GCNT3: variants seen among roughly 807,000 people sequenced by gnomAD.
GCNT3 encodes the protein glucosaminyl (N-acetyl) transferase 3, mucin type, also known as beta-1,3-galactosyl-O-glycosyl-glycoprotein beta-1,6-N-acetylglucosaminyltransferase 3.
For synonymous variants in GCNT3, 269 were observed against 195.2 expected, an observed-to-expected ratio of 1.38 and a Z score of -3.15; for missense variants, 708 against 530.3, an observed-to-expected ratio of 1.34 and a Z score of -3.29.
chr15:59,615,018 T>A (rs1409591098), intron 1 of GCNT3: 1 of 152,228 alleles, frequency 6.6e-6, no homozygotes, highest in Non-Finnish European at 1.5e-5. Flanking sequence ...CAACTCTGAC[T>A]CATCTCCATT....
At position 59,619,580 on chromosome 15, in the gene GCNT3, C is replaced by T. The variant is rs2082737818; in HGVS notation, c.*25C>T. ...AGACACACTATGAGAGCGTTGCTAC[C>T]TGTGGGGCAAGAGCATGTACAAACA... On this transcript the variant is annotated 3_prime_UTR_variant, in exon 3 of 3. Coordinates refer to ENST00000396065, the MANE Select transcript of GCNT3 (RefSeq NM_004751.3). 2 of 1,416,268 alleles carry T rather than the reference C, an allele frequency of 1.4e-6. No individual in the cohort carries two copies. Among genetic ancestry groups the T allele is most frequent in the Admixed American group, 3.6e-5 (2 of 56,260 alleles). 87.7% of individuals were successfully genotyped at this position (1,416,268 alleles called of 1,614,324 possible).
rs74019643 is a variant in GCNT3, at chr15:59,620,049, T to C, written c.*494T>C. On this transcript the variant is annotated 3_prime_UTR_variant, in exon 3 of 3. Transcript: ENST00000396065. The stretch of plus-strand genomic sequence containing the variant: ...TTTGCCTAGTATGCCAGAAATAATA[T>C]AAATATAAACAGATAAAGTGTGTGA... The C allele has an allele frequency of 0.023, 3,940 of 169,744 alleles. 161 individuals are homozygous for C. Among genetic ancestry groups the C allele is most frequent in the African/African-American group, 0.089 (3,679 of 41,538 alleles). The allele number at this position is 169,744 out of a possible 1,614,324, so 10.5% of individuals were successfully genotyped here. A position where few individuals can be genotyped will look rare whatever the true frequency, so the allele number is the denominator to read the frequency against.
chr15:59,616,972 G>C (rs2082722280), intron 2 of GCNT3, 91 bp downstream of exon 2: 1 of 152,094 alleles, frequency 6.6e-6, no homozygotes. Context: ...TTTAGGAAGA[G>C]CTACAACAAG....
intron 1 of GCNT3, among the ~76,000 whole-genome samples, chr15:59,614,151 G>A (rs561577842): frequency 6.6e-5 from 10 of 152,202 alleles, no homozygotes; most frequent in South Asian, 2.1e-4. Context: ...TACTAATAAA[G>A]TGGAGGAGTT....
At position 59,618,981 on chromosome 15, in the gene GCNT3, GGAGGAATA is replaced by G. The variant is rs1378214056; in HGVS notation, c.745_752del (p.Arg249HisfsTer8). 16 of 1,614,100 alleles carry G rather than the reference GGAGGAATA, an allele frequency of 9.9e-6. No individual in the cohort carries two copies. Among genetic ancestry groups the G allele is most frequent in the Non-Finnish European group, 1.4e-5 (16 of 1,180,010 alleles). ...GTCCAGGCTCTCAAGATGTTGAATG[GGAGGAATA>G]GCATGGAGTCAGAGGTACCTCCTAA... On this transcript the variant is annotated frameshift_variant, in exon 3 of 3. Transcript: ENST00000396065. LOFTEE classifies it low-confidence loss of function (END_TRUNC).
rs754923816 is a variant in GCNT3 at position 59,618,207 on chromosome 15, C to T, written c.-32C>T. On this transcript the variant is annotated 5_prime_UTR_variant, in exon 3 of 3. Coordinates refer to ENST00000396065, the MANE Select transcript of GCNT3 (RefSeq NM_004751.3). ...TGTGTCCTCCTCCACCTTCCCTGTG[C>T]TCGGTCTCCACCTGTCTCCCATTCT... 3 of 1,253,032 alleles carry T rather than the reference C, an allele frequency of 2.4e-6. No homozygotes were observed. The highest frequency in any genetic ancestry group is 2.8e-5 in the South Asian group (2 of 70,358). 77.6% of individuals were successfully genotyped at this position (1,253,032 alleles called of 1,614,324 possible).
chr15:59,615,850 TG>T (rs1270244989), intron 1 of GCNT3, among the ~76,000 whole-genome samples: 1 of 152,184 alleles, frequency 6.6e-6, no homozygotes, highest in Non-Finnish European at 1.5e-5. Context: ...ATCACACCAC[TG>T]CACTCCAGCC....
rs575583115 is a variant in GCNT3, at chr15:59,620,175, A to C, written c.*620A>C. Reference sequence around the variant, plus strand: ...GTCCTGACAAGCTGCATGAATAGCAATTTTTTTTTTGAGACAGAGTCTTGC... The same window carrying C: ...GTCCTGACAAGCTGCATGAATAGCACTTTTTTTTTTGAGACAGAGTCTTGC... On this transcript the variant is annotated 3_prime_UTR_variant, in exon 3 of 3. Coordinates refer to ENST00000396065, the MANE Select transcript of GCNT3 (RefSeq NM_004751.3). 2 of 163,244 alleles carry C rather than the reference A, an allele frequency of 1.2e-5. No homozygotes were observed. The highest frequency in any genetic ancestry group is 3.0e-5 in the Non-Finnish European group (2 of 67,474). The allele number at this position is 163,244 out of a possible 1,614,324, so 10.1% of individuals were successfully genotyped here.
Position 59,618,976 on chromosome 15 carries a change from G to A in GCNT3, c.738G>A (p.Leu246=). Residue 246 remains leucine (L), a synonymous_variant, in exon 3 of 3, where the codon TTG becomes TTA. Coordinates refer to ENST00000396065, the MANE Select transcript of GCNT3 (RefSeq NM_004751.3). The part of the protein sequence containing the change: ...NAEMVQALKM[L]NGRNSMESEV... The stretch of plus-strand genomic sequence containing the variant: ...AGATGGTCCAGGCTCTCAAGATGTT[G>A]AATGGGAGGAATAGCATGGAGTCAG... The A allele has an allele frequency of 1.9e-6, 3 of 1,614,076 alleles. No individual in the cohort carries two copies. Among genetic ancestry groups the A allele is most frequent in the African/African-American group, 1.3e-5 (1 of 75,000 alleles).
intron 1 of GCNT3, chr15:59,615,200 C>T (rs555263161): frequency 6.6e-6 from 1 of 152,348 alleles, no homozygotes; most frequent in Non-Finnish European, 1.5e-5. Context: ...CTATCTGCTT[C>T]CTGGTTCTGT....
chr15:59,614,302 A>AGAT (rs1266447948), intron 1 of GCNT3, among the ~76,000 whole-genome samples: 1 of 152,202 alleles, frequency 6.6e-6, no homozygotes, highest in Non-Finnish European at 1.5e-5. Flanking sequence ...GTAGGGGTGC[A>AGAT]GATGACCCTG....
rs188533051 is a variant in GCNT3, at chr15:59,620,814, A to G, written c.*1259A>G. 651 of 157,496 alleles carry G rather than the reference A, an allele frequency of 4.1e-3. 3 individuals carry two copies. Among genetic ancestry groups the G allele is most frequent in the Non-Finnish European group, 2.2e-3 (147 of 66,102 alleles). The allele number at this position is 157,496 out of a possible 1,614,324, so 9.8% of individuals were successfully genotyped here. The stretch of plus-strand genomic sequence containing the variant: ...TGAGAAATAAAAATAAACTAGGACT[A>G]TTCAGTTAAACCAGGATGTCTTATT... On this transcript the variant is annotated 3_prime_UTR_variant, in exon 3 of 3. Coordinates refer to ENST00000396065, the MANE Select transcript of GCNT3 (RefSeq NM_004751.3).
At position 59,618,393 on chromosome 15, in the gene GCNT3, G is replaced by A; in HGVS notation, c.155G>A (p.Cys52Tyr). The change falls in exon 3 of 3, where the codon TGT (cysteine) becomes TAT (tyrosine). Residue 52 changes from cysteine to tyrosine, a missense_variant. Physicochemically the swap from Cys to Tyr is radical, Grantham distance 194. Transcript: ENST00000396065. Reference sequence around the variant, plus strand: ...TCCAGGGAATCTCAAAGCCAGTACTGTAGGAATATCTTGTATAATTTCCTG... The same window carrying A: ...TCCAGGGAATCTCAAAGCCAGTACTATAGGAATATCTTGTATAATTTCCTG... ...LESRESQSQY[C>Y]RNILYNFLKL... 2 of 1,614,122 alleles carry A rather than the reference G, an allele frequency of 1.2e-6. No individual in the cohort carries two copies. The highest frequency in any genetic ancestry group is 8.5e-7 in the Non-Finnish European group (1 of 1,179,966).
chr15:59,619,722 A>T lies in GCNT3; in HGVS notation c.*167A>T, dbSNP rs1595657520. 4.8e-6 allele frequency: 3 copies of T among 619,820 alleles called. No homozygotes were observed. In the East Asian group the frequency reaches 8.0e-5, roughly 17 times the overall value. The allele number at this position is 619,820 out of a possible 1,614,324, so 38.4% of individuals were successfully genotyped here. On this transcript the variant is annotated 3_prime_UTR_variant, in exon 3 of 3. Coordinates refer to ENST00000396065, the MANE Select transcript of GCNT3 (RefSeq NM_004751.3). ...GGGTAAGTAGATCTTTTGCCTTGCAAATTGCTGCCTGGGTGAATGCTGCTT... is the reference window on the plus strand; with the variant it reads ...GGGTAAGTAGATCTTTTGCCTTGCATATTGCTGCCTGGGTGAATGCTGCTT...
rs184701195 is a variant in GCNT3 at position 59,616,791 on chromosome 15, T to C, written c.-151T>C. 1.3e-5 allele frequency: 2 copies of C among 152,328 alleles called. No homozygotes were observed. Among genetic ancestry groups the C allele is most frequent in the African/African-American group, 4.8e-5 (2 of 41,564 alleles). 9.4% of individuals were successfully genotyped at this position (152,328 alleles called of 1,614,324 possible). ...GATCAGGGGACATGGTTGTTCACAT[T>C]TGCTGCCACGGAACACCGCCAGTCT... is the stretch of plus-strand genomic sequence containing the variant. On this transcript the variant is annotated 5_prime_UTR_variant, in exon 2 of 3. Coordinates refer to ENST00000396065, the MANE Select transcript of GCNT3 (RefSeq NM_004751.3).
chr15:59,613,949 C>T (rs1438247139), intron 1 of GCNT3, among the ~76,000 whole-genome samples: 4 of 151,864 alleles, frequency 2.6e-5, no homozygotes, highest in Admixed American at 6.6e-5. Context: ...CCCAGGAGTT[C>T]GAGGCTGCAG....
intron 1 of GCNT3, 197 bp from the exon 2 acceptor site, chr15:59,616,495 T>C (rs1284005481): frequency 6.6e-6 from 1 of 152,178 alleles, no homozygotes; most frequent in Non-Finnish European, 1.5e-5. Context: ...GTGACACAGG[T>C]ACAAACTGGG....
intron 1 of GCNT3, among the ~76,000 whole-genome samples, chr15:59,615,594 C>A (rs1315118429): frequency 6.6e-6 from 1 of 151,940 alleles, no homozygotes; most frequent in Non-Finnish European, 1.5e-5. Flanking sequence ...TAAATTTGCC[C>A]TGTTCAGGCT....
chr15:59,614,843 C>G (rs1010060592), intron 1 of GCNT3, among the ~76,000 whole-genome samples: 1 of 152,200 alleles, frequency 6.6e-6, no homozygotes, highest in East Asian at 1.9e-4. Context: ...TGGAGTTGCT[C>G]TGGTTCAAGC....
Sources: gnomAD v4.1 joint callset for allele counts (sites outside exome capture counted in the v4.1 genomes callset) on GRCh38, gnomAD v4.1.1 for gene constraint, MANE v1.5 for transcripts, NCBI Gene and HGNC (gene_info 2026-07-23, HGNC 2026-07-21) for gene names.